Variants in PLSCR4 observed in about 807,000 individuals in gnomAD.
PLSCR4 encodes phospholipid scramblase 4.
In PLSCR4, 25 loss-of-function variants were observed where a neutral mutation model predicts 36.3. The observed-to-expected ratio is 0.69, with a 90% CI of 0.50 to 0.96. The LOEUF is 0.96. Among genes scored for constraint, PLSCR4 ranks in the 40% least tolerant of loss-of-function variants. The probability of loss-of-function intolerance (pLI) is 0.00; values close to 1 mark genes in which losing one functional copy is unlikely to be tolerated. For synonymous variants in PLSCR4, 122 were observed against 132.9 expected, an observed-to-expected ratio of 0.92 and a Z score of 0.56; for missense variants, 408 against 414.7, an observed-to-expected ratio of 0.98 and a Z score of 0.14.
intron 1 of PLSCR4, among the ~76,000 whole-genome samples, chr3:146,240,981 C>G (rs1171204935): frequency 6.6e-6 from 1 of 152,072 alleles, no homozygotes; most frequent in Non-Finnish European, 1.5e-5. Flanking sequence ...AATATCCCTA[C>G]AATGAAATAT....
chr3:146,206,762 C>T lies in PLSCR4; in HGVS notation c.119-1G>A, dbSNP rs1436121301. The T allele has an allele frequency of 1.3e-6, 2 of 1,564,612 alleles. No homozygotes were observed. Among genetic ancestry groups the T allele is most frequent in the Non-Finnish European group, 1.7e-6 (2 of 1,150,504 alleles). On this transcript the variant is annotated splice_acceptor_variant, in intron 3 of 8. Transcript: ENST00000354952. LOFTEE classifies it high-confidence loss of function. The stretch of plus-strand genomic sequence containing the variant: ...GGAGGGACAGCTGTTCCAGGGGGTC[C>T]TGTGTTCAAAAGAAATCAAAGTGTT...
chr3:146,229,592 CATTTATTTATTTATTTATTT>C (rs202235802), intron 1 of PLSCR4, among the ~76,000 whole-genome samples: 3 of 57,318 alleles, frequency 5.2e-5, no homozygotes, highest in East Asian at 3.7e-4. Flanking sequence ...TTTTATTTTT[CATTTATTTATTTATTTATTT>C]ATTTATTTAT....
intron 1 of PLSCR4, among the ~76,000 whole-genome samples, chr3:146,235,039 T>G (rs2035860182): frequency 6.6e-6 from 1 of 152,182 alleles, no homozygotes; most frequent in South Asian, 2.1e-4. Flanking sequence ...GGCATTTCGG[T>G]AATACTCAGA....
intron 3 of PLSCR4, among the ~76,000 whole-genome samples, chr3:146,218,965 A>G (rs1393877649): frequency 6.6e-6 from 1 of 152,242 alleles, no homozygotes; most frequent in African/African-American, 2.4e-5. Flanking sequence ...TGCAAATTGG[A>G]ATTATGTAAA....
In PLSCR4 at chr3:146,194,220, G is replaced by A. The variant is rs1265262332; in HGVS notation, c.*191C>T. On this transcript the variant is annotated 3_prime_UTR_variant, in exon 9 of 9. Transcript: ENST00000354952. ...GGATGAACTCCTATTCTACTAGAGA[G>A]ATACTCAATTGAAACACACTTTTAG... 1 of 571,542 alleles carries A rather than the reference G, an allele frequency of 1.7e-6. No homozygotes were observed. The highest frequency in any genetic ancestry group is 3.1e-6 in the Non-Finnish European group (1 of 321,638). 35.4% of individuals were successfully genotyped at this position (571,542 alleles called of 1,614,324 possible).
chr3:146,228,038 GATCT>G (rs1280762677), intron 1 of PLSCR4, among the ~76,000 whole-genome samples: 1 of 152,164 alleles, frequency 6.6e-6, no homozygotes, highest in African/African-American at 2.4e-5. Flanking sequence ...TCAAATCTCA[GATCT>G]TTCTCTGATG....
At chr3:146,200,999 T>G in intron 5 of PLSCR4, 36 bp downstream of exon 5, 1 of 1,382,046 alleles carries the variant, frequency 7.2e-7, no homozygotes, top group Non-Finnish European at 1.0e-6. Context: ...TCCATCTGAT[T>G]AAAATACTGC....
chr3:146,242,235 G>A (rs1441858963), intron 1 of PLSCR4, among the ~76,000 whole-genome samples: 1 of 152,130 alleles, frequency 6.6e-6, no homozygotes. Flanking sequence ...TGGTTCTGAG[G>A]GCTGCCTGAT....
intron 1 of PLSCR4, among the ~76,000 whole-genome samples, chr3:146,224,336 T>C (rs9814972): frequency 0.36 from 55,348 of 152,024 alleles, 10,167 homozygotes; most frequent in African/African-American, 0.41. Flanking sequence ...CTCAAAATTA[T>C]AGCACAACAG....
chr3:146,195,290 G>T lies in PLSCR4; in HGVS notation c.787-8C>A. 6.2e-7 allele frequency: 1 copy of T among 1,610,082 alleles called. No homozygotes were observed. Among genetic ancestry groups the T allele is most frequent in the South Asian group, 1.1e-5 (1 of 90,942 alleles). The stretch of plus-strand genomic sequence containing the variant: ...GCCATCAAGGGATTTGACCTGGAAT[G>T]ACAAGAATGTGCCTTTATGATGATT... On this transcript the variant is annotated splice_polypyrimidine_tract_variant and splice_region_variant and intron_variant, in intron 7 of 8. Transcript: ENST00000354952.
rs2033796144 is a variant in PLSCR4 at position 146,197,259 on chromosome 3, G to A, written c.625-466C>T. On this transcript the variant is annotated intron_variant, in intron 6 of 8. Transcript: ENST00000354952. ...ACTACACTACACTGCTTCTCCATCA[G>A]AAAGAACAATTTTCTCAGGATAAGT... Among the ~76,000 whole-genome samples the A allele has an allele frequency of 3.9e-5, 6 of 152,218 alleles. No individual in the cohort carries two copies. In the South Asian group the frequency reaches 1.2e-3, roughly 32 times the overall value.
chr3:146,228,506 T>C (rs913660857), intron 1 of PLSCR4, among the ~76,000 whole-genome samples: 1 of 150,382 alleles, frequency 6.6e-6, no homozygotes, highest in African/African-American at 2.4e-5. Flanking sequence ...GCCAAAGGGG[T>C]TTTCCTATTT....
At chr3:146,234,318 G>A (rs1448659327) in intron 1 of PLSCR4, among the ~76,000 whole-genome samples, 1 of 152,106 alleles carries the variant, frequency 6.6e-6, no homozygotes, top group African/African-American at 2.4e-5. Context: ...GCTTGAGCAG[G>A]GGAATGAGCA....
At chr3:146,194,526 G>T in intron 8 of PLSCR4, 71 bp from the exon 9 acceptor site, 2 of 912,778 alleles carry the variant, frequency 2.2e-6, no homozygotes, top group Non-Finnish European at 3.5e-6. Flanking sequence ...ATTATCCTTT[G>T]TAATTTATTA....
At chr3:146,211,191 T>C (rs185999236) in intron 3 of PLSCR4, among the ~76,000 whole-genome samples, 20 of 152,268 alleles carry the variant, frequency 1.3e-4, no homozygotes, top group Non-Finnish European at 2.9e-5. Context: ...AGAGTTCTAC[T>C]TTCTCCACAT....
At position 146,228,761 on chromosome 3, in the gene PLSCR4, ATT is replaced by A. The variant is rs1428773963; in HGVS notation, c.-21-6671_-21-6670del. On this transcript the variant is annotated intron_variant, in intron 1 of 8. Coordinates refer to ENST00000354952, the MANE Select transcript of PLSCR4 (RefSeq NM_020353.3). ...TAATTTTGTACTACAAAAATTGAGT[ATT>A]TGTCTGTATTAGTACAGTACTTCAT... is the stretch of plus-strand genomic sequence containing the variant. Among the ~76,000 whole-genome samples the A allele has an allele frequency of 3.3e-5, 5 of 152,292 alleles. No homozygotes were observed. The East Asian group carries it at 9.6e-4, about 29-fold the overall frequency.
Position 146,199,992 on chromosome 3 carries a change from A to C in PLSCR4, c.445T>G (p.Ser149Ala). 6.2e-7 allele frequency: 1 copy of C among 1,611,436 alleles called. No individual in the cohort carries two copies. Among genetic ancestry groups the C allele is most frequent in the Non-Finnish European group, 8.5e-7 (1 of 1,177,854 alleles). The change falls in exon 6 of 9, where the codon TCA becomes GCA. Residue 149 changes from serine (S) to alanine (A), a missense_variant. Ser to Ala is a moderately conservative substitution (Grantham distance 99). Transcript: ENST00000354952. The part of the protein sequence containing the change: ...TNNRYDIKNN[S>A]DQMVYIVTED... Reference sequence around the variant, plus strand: ...GTTACAATGTAAACCATCTGGTCTGAGTTGTTTTTAATATCATATCTATTA... The same window carrying C: ...GTTACAATGTAAACCATCTGGTCTGCGTTGTTTTTAATATCATATCTATTA...
intron 1 of PLSCR4, among the ~76,000 whole-genome samples, chr3:146,234,026 A>AT (rs1233982844): frequency 6.6e-6 from 1 of 152,172 alleles, no homozygotes; most frequent in African/African-American, 2.4e-5. Flanking sequence ...ATAATAGGTC[A>AT]TATGTTCCAG....
chr3:146,225,494 C>T (rs2108305373), intron 1 of PLSCR4, among the ~76,000 whole-genome samples: 1 of 152,134 alleles, frequency 6.6e-6, no homozygotes, highest in East Asian at 1.9e-4. Flanking sequence ...TGGTGCTCGT[C>T]GGGGAGGCTC....
Sources: gnomAD v4.1 joint callset for allele counts (sites outside exome capture counted in the v4.1 genomes callset) on GRCh38, gnomAD v4.1.1 for gene constraint, MANE v1.5 for transcripts, NCBI Gene and HGNC (gene_info 2026-07-23, HGNC 2026-07-21) for gene names.